The following GP9 variants were observed in gnomAD, a reference collection of about 807,000 sequenced individuals.
GP9 encodes glycoprotein IX platelet, also known as platelet glycoprotein IX.
For missense variants in GP9, 228 were observed against 241.8 expected, an observed-to-expected ratio of 0.94 and a Z score of 0.38; for synonymous variants, 116 against 116.7, an observed-to-expected ratio of 0.99 and a Z score of 0.04.
At chr3:129,058,700 G>A (rs1279312875), upstream of GP9, among the ~76,000 whole-genome samples, 1 of 152,252 alleles carries the variant, frequency 6.6e-6, no homozygotes, top group African/African-American at 2.4e-5. Context: ...TGCATGTAAT[G>A]AATAGTGGCT....
upstream of GP9, among the ~76,000 whole-genome samples, chr3:129,060,404 C>T (rs902661119): frequency 6.6e-6 from 1 of 152,256 alleles, no homozygotes; most frequent in African/African-American, 2.4e-5. Flanking sequence ...GGGAGCTGCC[C>T]AGCCCACACC....
upstream of GP9, among the ~76,000 whole-genome samples, chr3:129,058,389 G>A (rs966649575): frequency 3.9e-5 from 6 of 152,214 alleles, no homozygotes; most frequent in Non-Finnish European, 7.3e-5. Context: ...TCCTGAGGTA[G>A]ATCAGCAGGA....
At chr3:129,059,841 GC>G (rs879825014), upstream of GP9, among the ~76,000 whole-genome samples, 1 of 152,338 alleles carries the variant, frequency 6.6e-6, no homozygotes, top group East Asian at 1.9e-4. Flanking sequence ...CCCCCGTAGG[GC>G]CGAGGAATAT....
chr3:129,058,314 T>C (rs1219143151), upstream of GP9, among the ~76,000 whole-genome samples: 1 of 152,266 alleles, frequency 6.6e-6, no homozygotes, highest in Non-Finnish European at 1.5e-5. Flanking sequence ...AGAGGCTTAA[T>C]GCAGCACACA....
chr3:129,062,209 T>C lies in GP9; in HGVS notation c.470T>C (p.Val157Ala), dbSNP rs543753307. The C allele has an allele frequency of 8.2e-5, 128 of 1,565,270 alleles. No individual in the cohort carries two copies. The highest frequency in any genetic ancestry group is 1.1e-4 in the Non-Finnish European group (122 of 1,159,166). The change falls in exon 3 of 3, where the codon GTG (valine) becomes GCG (alanine). Residue 157 changes from valine to alanine, a missense_variant. Transcript: ENST00000307395. ...GVLWDVALVA[V>A]AALGLALLAG... ...TTGTGGGACGTGGCGCTGGTCGCCG[T>C]GGCCGCGCTGGGCCTGGCTCTTCTG... is the stretch of plus-strand genomic sequence containing the variant.
At chr3:129,057,827 C>CTTTTTT (rs199729798), upstream of GP9, among the ~76,000 whole-genome samples, 3 of 136,308 alleles carry the variant, frequency 2.2e-5, 1 homozygote, top group East Asian at 2.6e-4. Flanking sequence ...TTATAGGTTG[C>CTTTTTT]TTCTTTTTTT....
upstream of GP9, among the ~76,000 whole-genome samples, chr3:129,058,018 A>G (rs1946537498): frequency 6.6e-6 from 1 of 151,716 alleles, no homozygotes; most frequent in African/African-American, 2.4e-5. Context: ...TTTTTAGTAG[A>G]GATGGTGTTT....
upstream of GP9, among the ~76,000 whole-genome samples, chr3:129,057,839 T>C (rs1228431559): frequency 6.7e-6 from 1 of 150,222 alleles, no homozygotes; most frequent in Admixed American, 6.6e-5. Context: ...TCTTTTTTTT[T>C]TTTTTTTTTT....
rs867078307 is a variant in GP9 at position 129,061,506 on chromosome 3, C to A, written c.-126C>A. On this transcript the variant is annotated 5_prime_UTR_variant, in exon 2 of 3. Coordinates refer to ENST00000307395, the MANE Select transcript of GP9 (RefSeq NM_000174.5). ...ACCCAATCCACAGCCGCCCTCACCG[C>A]CCGGCCTTCTACGGTGTCCAGAGAC... is the stretch of plus-strand genomic sequence containing the variant. 1.8e-5 allele frequency: 11 copies of A among 600,978 alleles called. No individual in the cohort carries two copies. Among genetic ancestry groups the A allele is most frequent in the Middle Eastern group, 4.4e-4 (1 of 2,278 alleles). The allele number at this position is 600,978 out of a possible 1,614,324, so 37.2% of individuals were successfully genotyped here. A position where few individuals can be genotyped will look rare whatever the true frequency, so the allele number is the denominator to read the frequency against.
At chr3:129,055,739 G>A in the GP9 span, among the ~76,000 whole-genome samples, 1 of 151,800 alleles carries the variant, frequency 6.6e-6, no homozygotes, top group Admixed American at 6.6e-5. Context: ...GCGCCTCCCA[G>A]GTTCAAGCGA....
At position 129,062,192 on chromosome 3, in the gene GP9, C is replaced by T. The variant is rs879057925; in HGVS notation, c.453C>T (p.Asp151=). Residue 151 remains aspartate, a synonymous_variant, in exon 3 of 3, where the codon GAC becomes GAT. Coordinates refer to ENST00000307395, the MANE Select transcript of GP9 (RefSeq NM_000174.5). ...ASWVRPGVLW[D]VALVAVAALG... The stretch of plus-strand genomic sequence containing the variant: ...GGGTGCGCCCGGGGGTCTTGTGGGA[C>T]GTGGCGCTGGTCGCCGTGGCCGCGC... 8 of 1,572,014 alleles carry T rather than the reference C, an allele frequency of 5.1e-6. No homozygotes were observed. The East Asian group carries it at 7.0e-5, about 14-fold the overall frequency.
rs770361254 is a variant in GP9, at chr3:129,061,945, G to A, written c.206G>A (p.Gly69Glu). 1.2e-6 allele frequency: 2 copies of A among 1,613,916 alleles called. No individual in the cohort carries two copies. The highest frequency in any genetic ancestry group is 1.7e-6 in the Non-Finnish European group (2 of 1,179,904). ...AACAGCCTTCAGTCCGTGCCCCCGG[G>A]AGCCTTTGACCACCTGCCCCAGCTG... ...ANNSLQSVPP[G>E]AFDHLPQLQT... Residue 69 changes from glycine to glutamate, a missense_variant, in exon 3 of 3, where the codon GGA becomes GAA. Physicochemically the swap from Gly to Glu is moderately conservative, Grantham distance 98. Transcript: ENST00000307395.
Position 129,062,109 on chromosome 3 carries a change from C to A in GP9, c.370C>A (p.Leu124Met), listed in dbSNP as rs755371475. The change falls in exon 3 of 3, where the codon CTG becomes ATG. Residue 124 changes from leucine to methionine, a missense_variant. Coordinates refer to ENST00000307395, the MANE Select transcript of GP9 (RefSeq NM_000174.5). ...ASPSLAAHGP[L>M]GRLTGYQLGS... Reference sequence around the variant, plus strand: ...CCCCAGCCTCGCTGCCCATGGCCCGCTGGGCCGGCTGACAGGCTACCAGCT... The same window carrying A: ...CCCCAGCCTCGCTGCCCATGGCCCGATGGGCCGGCTGACAGGCTACCAGCT... 1.3e-6 allele frequency: 2 copies of A among 1,599,224 alleles called. No individual in the cohort carries two copies. Among genetic ancestry groups the A allele is most frequent in the Admixed American group, 1.7e-5 (1 of 58,474 alleles).
rs754789523 is a variant in GP9, at chr3:129,061,934, C to T, written c.195C>T (p.Ser65=). ...TGCTGGCCAACAACAGCCTTCAGTCCGTGCCCCCGGGAGCCTTTGACCACC... is the reference window on the plus strand; with the variant it reads ...TGCTGGCCAACAACAGCCTTCAGTCTGTGCCCCCGGGAGCCTTTGACCACC... ...HLLLANNSLQ[S]VPPGAFDHLP... The change falls in exon 3 of 3, where the codon TCC becomes TCT. Residue 65 remains serine (S), a synonymous_variant. Coordinates refer to ENST00000307395, the MANE Select transcript of GP9 (RefSeq NM_000174.5). 15 of 1,613,760 alleles carry T rather than the reference C, an allele frequency of 9.3e-6. No individual in the cohort carries two copies. Among genetic ancestry groups the T allele is most frequent in the Middle Eastern group, 1.6e-4 (1 of 6,084 alleles).
chr3:129,059,819 A>C (rs1946555999), upstream of GP9, among the ~76,000 whole-genome samples: 1 of 152,138 alleles, frequency 6.6e-6, no homozygotes, highest in Non-Finnish European at 1.5e-5. Flanking sequence ...AATAAGAACA[A>C]GCACACCCCC....
intron 1 of GP9, among the ~76,000 whole-genome samples, 179 bp from the exon 2 acceptor site, chr3:129,061,315 G>C (rs999428472): frequency 6.6e-6 from 1 of 152,182 alleles, no homozygotes; most frequent in South Asian, 2.1e-4. Flanking sequence ...GGTGGGGGGT[G>C]CTGGGCGCAG....
chr3:129,059,988 C>G (rs1181651491), upstream of GP9, among the ~76,000 whole-genome samples: 4 of 152,216 alleles, frequency 2.6e-5, no homozygotes, highest in African/African-American at 4.8e-5. Flanking sequence ...GAGTCTCGCT[C>G]TGTCACCCAG....
upstream of GP9, among the ~76,000 whole-genome samples, chr3:129,056,717 C>T (rs189424947): frequency 1.4e-4 from 21 of 152,254 alleles, no homozygotes; most frequent in African/African-American, 4.8e-4. Context: ...AGGAGGGCTT[C>T]CCGTAAGAAG....
At chr3:129,059,412 G>A (rs1015020432), upstream of GP9, among the ~76,000 whole-genome samples, 1 of 152,224 alleles carries the variant, frequency 6.6e-6, no homozygotes, top group Non-Finnish European at 1.5e-5. Flanking sequence ...AATGTGTGCA[G>A]GGCAGAGGAG....
Sources: allele counts gnomAD v4.1 joint callset (sites outside exome capture counted in the v4.1 genomes callset), GRCh38; gene constraint gnomAD v4.1.1; transcripts MANE v1.5; gene names NCBI Gene and HGNC (gene_info 2026-07-23, HGNC 2026-07-21).